The following RAPH1 variants were observed in gnomAD, a reference collection of about 807,000 sequenced individuals.
The protein encoded by RAPH1 is Ras association (RalGDS/AF-6) and pleckstrin homology domains 1.
A neutral mutation model predicts 88.1 loss-of-function variants in RAPH1; 18 were observed. The observed-to-expected ratio is 0.20, with a 90% CI of 0.14 to 0.30. The LOEUF is 0.30. RAPH1 is among the 10% of genes least tolerant of loss of function. The probability of loss-of-function intolerance (pLI) is 1.00; values close to 1 mark genes in which losing one functional copy is unlikely to be tolerated. For missense variants in RAPH1, 1,448 were observed against 1,543.2 expected (o/e 0.94, Z 1.03); for synonymous variants, 587 against 559.0 (o/e 1.05, Z -0.71).
intron 4 of RAPH1, among the ~76,000 whole-genome samples, chr2:203,475,351 G>A (rs1259036855): frequency 6.6e-6 from 1 of 152,080 alleles, no homozygotes; most frequent in Non-Finnish European, 1.5e-5. Context: ...AGCTTGCAGT[G>A]AGCCAAGATC....
rs903698774 is a variant in RAPH1, at chr2:203,515,289, T to C, written c.-1+19822A>G. On this transcript the variant is annotated intron_variant, in intron 1 of 13. Transcript: ENST00000319170. ...CAATAAAGAAACCATTAACAATGCA[T>C]AACCATTGCAAGTTCTGTTTGACGG... 3.3e-5 allele frequency among the ~76,000 whole-genome samples: 5 copies of C among 152,228 alleles called. 1 individual carries two copies. Among genetic ancestry groups the C allele is most frequent in the Admixed American group, 3.3e-4 (5 of 15,278 alleles).
intron 1 of RAPH1, among the ~76,000 whole-genome samples, chr2:203,527,684 C>T (rs1281763584): frequency 1.3e-5 from 2 of 151,468 alleles, no homozygotes; most frequent in African/African-American, 2.4e-5. Flanking sequence ...CCTGTATTCC[C>T]AGCTGCTCGG....
chr2:203,463,903 A>G (rs2246002), intron 4 of RAPH1, among the ~76,000 whole-genome samples: 15,761 of 152,262 alleles, frequency 0.1, 1,651 homozygotes, highest in African/African-American at 0.27. Flanking sequence ...TATGAGTCTT[A>G]CAGAAACAAA....
At chr2:203,490,456 T>C (rs1245946682) in intron 3 of RAPH1, among the ~76,000 whole-genome samples, 2 of 152,158 alleles carry the variant, frequency 1.3e-5, no homozygotes, top group African/African-American at 4.8e-5. Flanking sequence ...GCTGAGGGCA[T>C]AAAAAGAGAA....
Position 203,448,930 on chromosome 2 carries a change from G to T in RAPH1, c.1414-94C>A. 1.4e-6 allele frequency: 1 copy of T among 709,606 alleles called. No individual in the cohort carries two copies. The allele number at this position is 709,606 out of a possible 1,614,324, so 44.0% of individuals were successfully genotyped here. The stretch of plus-strand genomic sequence containing the variant: ...CTTAAACATATCCTGACAAGTTATA[G>T]GCCATTAGAGTAATGGCCAATACAT... On this transcript the variant is annotated intron_variant, in intron 10 of 13. Transcript: ENST00000319170. This position sits in a 1 kb window ranked among gnomAD's most constrained non-coding sequence, Gnocchi z 4.1.
In RAPH1 at chr2:203,439,131, C is replaced by T. The variant is rs1408123555; in HGVS notation, c.*306G>A. On this transcript the variant is annotated 3_prime_UTR_variant, in exon 14 of 14. Transcript: ENST00000319170. ...AGAAATCTTAAGAGACAACACACAT[C>T]CCCTTCTATGCCTCTTCCACCCAAA... is the stretch of plus-strand genomic sequence containing the variant. The T allele has an allele frequency of 3.5e-6, 1 of 281,918 alleles. No homozygotes were observed. The highest frequency in any genetic ancestry group is 2.1e-5 in the African/African-American group (1 of 47,242). 17.5% of individuals were successfully genotyped at this position (281,918 alleles called of 1,614,324 possible).
intron 8 of RAPH1, among the ~76,000 whole-genome samples, chr2:203,456,640 G>A (rs191810309): frequency 8.9e-4 from 135 of 152,170 alleles, no homozygotes; most frequent in African/African-American, 3.2e-3. Context: ...AGAAAAATTA[G>A]GAATTACAAG....
rs2098508212 is a variant in RAPH1, at chr2:203,445,013, G to A, written c.1634-3C>T. ...ATTGGAGTGGTTTGACTGAGACTCT[G>A]TTTAAAATAGTTTTTTAAACATAGG... is the stretch of plus-strand genomic sequence containing the variant. On this transcript the variant is annotated splice_region_variant and splice_polypyrimidine_tract_variant and intron_variant, in intron 12 of 13. Coordinates refer to ENST00000319170, the MANE Select transcript of RAPH1 (RefSeq NM_213589.3). 1.1e-5 allele frequency: 17 copies of A among 1,609,480 alleles called. No individual in the cohort carries two copies. The highest frequency in any genetic ancestry group is 1.2e-5 in the Non-Finnish European group (14 of 1,178,768).
chr2:203,510,354 A>G (rs999594351), intron 1 of RAPH1, among the ~76,000 whole-genome samples: 5 of 150,816 alleles, frequency 3.3e-5, no homozygotes, highest in African/African-American at 1.2e-4. Context: ...AAAAAAAAAA[A>G]AAAAAAGTCC....
intron 4 of RAPH1, among the ~76,000 whole-genome samples, chr2:203,481,762 T>A (rs1687736812): frequency 6.6e-6 from 1 of 150,544 alleles, no homozygotes; most frequent in East Asian, 2.0e-4. Context: ...AGGATAATTT[T>A]TTTTTTTTTT....
At chr2:203,455,664 C>G in intron 8 of RAPH1, 84 bp from the exon 9 acceptor site, 2 of 1,322,090 alleles carry the variant, frequency 1.5e-6, no homozygotes, top group Non-Finnish European at 2.1e-6. Context: ...AAATGCATGA[C>G]AGTTATTAAA....
At position 203,440,024 on chromosome 2, in the gene RAPH1, G is replaced by A. The variant is rs576908552; in HGVS notation, c.3166C>T (p.Arg1056Cys). ...AATTCCACCACGGAGTCCTTTCCACGCCCACTCAGAACAGGGGCTTTTGCT... is the reference window on the plus strand; with the variant it reads ...AATTCCACCACGGAGTCCTTTCCACACCCACTCAGAACAGGGGCTTTTGCT... ...VSAKAPVLSG[R>C]GKDSVVEFPS... The change falls in exon 14 of 14, where the codon CGT (arginine) becomes TGT (cysteine). Residue 1056 changes from arginine to cysteine, a missense_variant. Physicochemically the swap from Arg to Cys is radical, Grantham distance 180 (BLOSUM62 -3). This residue lies in a region of RAPH1 where 935 missense variants were observed against 890.1 expected (regional missense o/e 1.05). Transcript: ENST00000319170. 3.2e-5 allele frequency: 52 copies of A among 1,613,706 alleles called. No individual in the cohort carries two copies. In the South Asian group the frequency reaches 5.4e-4, roughly 17 times the overall value.
intron 4 of RAPH1, among the ~76,000 whole-genome samples, chr2:203,472,414 G>A (rs1359029033): frequency 1.3e-5 from 2 of 152,194 alleles, no homozygotes; most frequent in African/African-American, 4.8e-5. Context: ...TTATAGGCGT[G>A]AGCCACTGTG....
chr2:203,477,006 C>A (rs1687484651), intron 4 of RAPH1: 2 of 1,062,898 alleles, frequency 1.9e-6, no homozygotes, highest in East Asian at 4.8e-5. Flanking sequence ...GAAAAGGTTT[C>A]ATCATTTGGA....
intron 1 of RAPH1, among the ~76,000 whole-genome samples, chr2:203,503,340 G>A (rs910132029): frequency 6.6e-6 from 1 of 152,266 alleles, no homozygotes; most frequent in South Asian, 2.1e-4. Context: ...GAAGAAAGAG[G>A]TTTAACTGGA....
rs1581239660 is a variant in RAPH1 at position 203,439,494 on chromosome 2, T to A, written c.3696A>T (p.Gly1232=). 6.2e-7 allele frequency: 1 copy of A among 1,613,030 alleles called. No individual in the cohort carries two copies. The highest frequency in any genetic ancestry group is 1.3e-5 in the African/African-American group (1 of 74,602). ...CTCTTTTGGGGGGAGCAGGAGGGGG[T>A]CCTCTCCGCAACGTTGCATAGCCTG... ...HISGYATLRR[G]PPPAPPKRDQ... The change falls in exon 14 of 14, where the codon GGA becomes GGT. Residue 1232 remains glycine (G), a synonymous_variant. Coordinates refer to ENST00000319170, the MANE Select transcript of RAPH1 (RefSeq NM_213589.3).
chr2:203,507,089 G>T (rs554820652), intron 1 of RAPH1, among the ~76,000 whole-genome samples: 3 of 150,072 alleles, frequency 2.0e-5, no homozygotes, highest in Middle Eastern at 3.2e-3. Flanking sequence ...TAGAGACAGG[G>T]TTTCACCATG....
At chr2:203,506,812 C>CTATATATCTATA (rs71007524) in intron 1 of RAPH1, among the ~76,000 whole-genome samples, 26,085 of 51,734 alleles carry the variant, frequency 0.5, 6,725 homozygotes, top group East Asian at 0.75. Context: ...ATATCTATAT[C>CTATATATCTATA]TATATATCTA....
At chr2:203,523,987 G>A (rs1690005789) in intron 1 of RAPH1, among the ~76,000 whole-genome samples, 1 of 152,178 alleles carries the variant, frequency 6.6e-6, no homozygotes, top group South Asian at 2.1e-4. Context: ...CTGGGCAACA[G>A]AGCGAGACTC....
Sources: allele counts gnomAD v4.1 joint callset (sites outside exome capture counted in the v4.1 genomes callset), GRCh38; gene constraint gnomAD v4.1.1; regional missense constraint gnomAD v4.1.1; non-coding constraint Gnocchi (gnomAD v3.1); transcripts MANE v1.5; gene names NCBI Gene and HGNC (gene_info 2026-07-23, HGNC 2026-07-21).